NYAP2: variants seen among roughly 807,000 people sequenced by gnomAD.
NYAP2 encodes the protein neuronal tyrosine-phosphorylated phosphoinositide-3-kinase adapter 2.
Under a neutral mutation model 50.4 loss-of-function variants are expected in NYAP2, and 23 were observed. The ratio of observed to expected loss-of-function variants is 0.46; its 90% CI spans 0.33 to 0.65. The LOEUF (loss-of-function observed/expected upper bound fraction) is 0.65. Ranked by LOEUF, NYAP2 falls within the 30% of genes least tolerant of loss-of-function variation. The pLI is 0.02. For synonymous variants in NYAP2, 394 were observed against 365.2 expected (o/e 1.08, Z -0.90); for missense variants, 885 against 861.0 (o/e 1.03, Z -0.35).
chr2:225,533,177 C>A (rs1476060039), intron 4 of NYAP2, among the ~76,000 whole-genome samples: 1 of 152,110 alleles, frequency 6.6e-6, no homozygotes, highest in East Asian at 1.9e-4. Context: ...AGAAATATTT[C>A]TTATAAAAAT....
intron 3 of NYAP2, among the ~76,000 whole-genome samples, chr2:225,500,322 G>T (rs890351077): frequency 2.6e-5 from 4 of 152,178 alleles, no homozygotes; most frequent in Non-Finnish European, 4.4e-5. Context: ...TATTTAGAAA[G>T]ACATTGAATT....
intron 3 of NYAP2, among the ~76,000 whole-genome samples, chr2:225,461,156 C>T (rs1370336771): frequency 1.3e-5 from 2 of 152,076 alleles, no homozygotes; most frequent in Non-Finnish European, 2.9e-5. Context: ...TAAATAAATG[C>T]CAGATGCACC....
intron 3 of NYAP2, among the ~76,000 whole-genome samples, chr2:225,512,888 CCTTCCTT>C (rs1690857110): frequency 8.3e-6 from 1 of 120,484 alleles, no homozygotes; most frequent in Non-Finnish European, 1.8e-5. Context: ...TTCCTTCCTT[CCTTCCTT>C]CCTTTCCTTT....
At chr2:225,571,546 G>A (rs1388347348) in intron 4 of NYAP2, among the ~76,000 whole-genome samples, 2 of 152,248 alleles carry the variant, frequency 1.3e-5, no homozygotes, top group Non-Finnish European at 2.9e-5. Context: ...ATCCTTTGAA[G>A]CAATGGCCGA....
the NYAP2 span, among the ~76,000 whole-genome samples, chr2:225,664,651 G>A: frequency 6.6e-5 from 10 of 152,080 alleles, no homozygotes; most frequent in Non-Finnish European, 1.2e-4. Context: ...GTTGGATCAC[G>A]AGGTCAGGAG....
At chr2:225,444,176 G>A (rs1313035064) in intron 3 of NYAP2, among the ~76,000 whole-genome samples, 6 of 152,154 alleles carry the variant, frequency 3.9e-5, no homozygotes, top group Non-Finnish European at 8.8e-5. Context: ...TACCATACAA[G>A]CCGATGATTC....
chr2:225,480,995 A>G (rs1042437328), intron 3 of NYAP2, among the ~76,000 whole-genome samples: 2 of 152,092 alleles, frequency 1.3e-5, no homozygotes, highest in African/African-American at 2.4e-5. Flanking sequence ...TCTCAAGAAC[A>G]TAACTTTATA....
intron 4 of NYAP2, among the ~76,000 whole-genome samples, chr2:225,552,349 G>C (rs1206396118): frequency 6.6e-6 from 1 of 152,184 alleles, no homozygotes; most frequent in Non-Finnish European, 1.5e-5. Context: ...AGGAGACACA[G>C]AGGTAACTCA....
intron 3 of NYAP2, among the ~76,000 whole-genome samples, chr2:225,473,925 G>A (rs898722607): frequency 2.6e-5 from 4 of 152,196 alleles, no homozygotes; most frequent in Non-Finnish European, 5.9e-5. Flanking sequence ...TTTTCTTCTA[G>A]GGTTTTTATG....
At chr2:225,465,566 A>T (rs1358824284) in intron 3 of NYAP2, among the ~76,000 whole-genome samples, 1 of 152,094 alleles carries the variant, frequency 6.6e-6, no homozygotes, top group Non-Finnish European at 1.5e-5. Flanking sequence ...AATACAAAAA[A>T]GTAGGTGGGC....
chr2:225,427,922 A>G (rs907495716), intron 3 of NYAP2, among the ~76,000 whole-genome samples: 19 of 152,098 alleles, frequency 1.2e-4, no homozygotes, highest in Admixed American at 1.2e-3. Flanking sequence ...CTAAAAAACA[A>G]TGACTCTCCT....
At chr2:225,430,562 A>G (rs1449854875) in intron 3 of NYAP2, among the ~76,000 whole-genome samples, 2 of 152,208 alleles carry the variant, frequency 1.3e-5, no homozygotes, top group Non-Finnish European at 2.9e-5. Context: ...TACAAAGTGC[A>G]TTGCATATAT....
At chr2:225,632,191 G>A (rs539581129) in intron 6 of NYAP2, among the ~76,000 whole-genome samples, 64 of 152,348 alleles carry the variant, frequency 4.2e-4, no homozygotes, top group African/African-American at 1.5e-3. Flanking sequence ...GGTACATCAA[G>A]AGGGAGTTTT....
At chr2:225,635,990 C>G (rs1261701970) in intron 6 of NYAP2, among the ~76,000 whole-genome samples, 1 of 152,124 alleles carries the variant, frequency 6.6e-6, no homozygotes, top group Non-Finnish European at 1.5e-5. Flanking sequence ...GTCATTTATT[C>G]CCTTTGTGTT....
chr2:225,597,512 A>AATATATATATATATATAT, intron 5 of NYAP2, among the ~76,000 whole-genome samples: 1,654 of 46,094 alleles, frequency 0.036, 449 homozygotes, highest in Non-Finnish European at 0.051. Context: ...TCCAAGGAGA[A>AATATATATATATATATAT]ATATATATAT....
At chr2:225,595,671 G>T (rs1692583740) in intron 5 of NYAP2, among the ~76,000 whole-genome samples, 1 of 152,178 alleles carries the variant, frequency 6.6e-6, no homozygotes, top group Non-Finnish European at 1.5e-5. Context: ...CTTGTAGCCT[G>T]CAGAATTCAT....
chr2:225,544,120 G>C (rs1410448833), intron 4 of NYAP2, among the ~76,000 whole-genome samples: 3 of 151,414 alleles, frequency 2.0e-5, no homozygotes, highest in Non-Finnish European at 4.4e-5. Context: ...TTTTTCTTTG[G>C]TTTCCATTGG....
At chr2:225,584,632 A>C (rs978941440) in intron 5 of NYAP2, among the ~76,000 whole-genome samples, 6 of 152,252 alleles carry the variant, frequency 3.9e-5, no homozygotes, top group African/African-American at 1.4e-4. Context: ...TTTGATGATG[A>C]AAATGACAAT....
At chr2:225,421,140 G>A (rs1029035721) in intron 3 of NYAP2, among the ~76,000 whole-genome samples, 1 of 152,036 alleles carries the variant, frequency 6.6e-6, no homozygotes, top group Admixed American at 6.5e-5. Context: ...TGAAGTCCCA[G>A]GCTCAAGTAA....
Sources: gnomAD v4.1 joint callset for allele counts (sites outside exome capture counted in the v4.1 genomes callset) on GRCh38, gnomAD v4.1.1 for gene constraint, MANE v1.5 for transcripts, NCBI Gene and HGNC (gene_info 2026-07-23, HGNC 2026-07-21) for gene names.